SCARA3: variants seen among roughly 807,000 people sequenced by gnomAD.
The protein encoded by SCARA3 is scavenger receptor class A member 3.
SCARA3 carries 39 observed loss-of-function variants against 47.0 expected under a neutral mutation model. The observed-to-expected ratio is 0.83, with a 90% CI of 0.64 to 1.08. SCARA3 has a LOEUF of 1.08. SCARA3 is among the 50% of genes least tolerant of loss of function. The pLI, the probability that SCARA3 is intolerant of heterozygous loss-of-function variation, is 0.00. For missense variants in SCARA3, 724 were observed against 792.3 expected (o/e 0.91, Z 1.04); for synonymous variants, 356 against 334.1 (o/e 1.07, Z -0.71).
intron 1 of SCARA3, among the ~76,000 whole-genome samples, chr8:27,636,576 C>T (rs188185662): frequency 6.6e-6 from 1 of 152,188 alleles, no homozygotes; most frequent in Non-Finnish European, 1.5e-5. Flanking sequence ...GTTCCAGGCT[C>T]TCCTTGTGCT....
chr8:27,711,118 C>G, the SCARA3 span, among the ~76,000 whole-genome samples: 34 of 152,178 alleles, frequency 2.2e-4, no homozygotes, highest in Non-Finnish European at 4.6e-4. Context: ...GATGGGGTTT[C>G]TCCATGTTGG....
intron 1 of SCARA3, among the ~76,000 whole-genome samples, chr8:27,636,920 G>A (rs1309306281): frequency 9.2e-5 from 14 of 152,154 alleles, no homozygotes; most frequent in Non-Finnish European, 1.3e-4. Flanking sequence ...TTTCTCACTC[G>A]AGTGGAAAAA....
In SCARA3 at chr8:27,658,949, G is replaced by C; in HGVS notation, c.779G>C (p.Arg260Pro). The C allele has an allele frequency of 1.9e-6, 3 of 1,614,070 alleles. No individual in the cohort carries two copies. The highest frequency in any genetic ancestry group is 2.5e-6 in the Non-Finnish European group (3 of 1,179,994). The stretch of plus-strand genomic sequence containing the variant: ...GTCACCGACTGGCAGAACTACACAC[G>C]GCTCTTCAGCGGCCTGCGCACCACC... ...KIVTDWQNYT[R>P]LFSGLRTTST... Residue 260 changes from arginine to proline, a missense_variant, in exon 5 of 6, where the codon CGG becomes CCG. By Grantham distance (103) the Arg-to-Pro change is moderately radical. Coordinates refer to ENST00000301904, the MANE Select transcript of SCARA3 (RefSeq NM_016240.3).
the SCARA3 span, among the ~76,000 whole-genome samples, chr8:27,699,841 T>C: frequency 6.6e-6 from 1 of 152,164 alleles, no homozygotes; most frequent in Non-Finnish European, 1.5e-5. Context: ...GACAATGAGA[T>C]AATGGTGTAA....
At chr8:27,666,665 A>G (rs906937468) in intron 5 of SCARA3, among the ~76,000 whole-genome samples, 1 of 152,154 alleles carries the variant, frequency 6.6e-6, no homozygotes, top group African/African-American at 2.4e-5. Flanking sequence ...GTCCCTCCAG[A>G]GGCACCCCTT....
the SCARA3 span, among the ~76,000 whole-genome samples, chr8:27,707,945 G>T: frequency 1.3e-5 from 2 of 152,096 alleles, no homozygotes; most frequent in African/African-American, 4.8e-5. Flanking sequence ...CTAATTGTGA[G>T]AGCAGGAGAA....
chr8:27,705,346 A>C, the SCARA3 span, among the ~76,000 whole-genome samples: 1 of 152,244 alleles, frequency 6.6e-6, no homozygotes, highest in East Asian at 1.9e-4. Flanking sequence ...AAGTGGGGCC[A>C]GCTGGAGAGA....
the SCARA3 span, among the ~76,000 whole-genome samples, chr8:27,729,482 T>A: frequency 6.6e-6 from 1 of 152,096 alleles, no homozygotes; most frequent in African/African-American, 2.4e-5. Flanking sequence ...AAGTCATGCA[T>A]CTAAAGTCAC....
chr8:27,687,041 A>C, the SCARA3 span, among the ~76,000 whole-genome samples: 3 of 151,698 alleles, frequency 2.0e-5, no homozygotes, highest in Non-Finnish European at 4.4e-5. Context: ...AATGGGGCTG[A>C]TCTCAGCAAC....
At chr8:27,707,424 A>C in the SCARA3 span, among the ~76,000 whole-genome samples, 1 of 152,112 alleles carries the variant, frequency 6.6e-6, no homozygotes, top group African/African-American at 2.4e-5. Context: ...AACAAGAACT[A>C]GCTGCTATGA....
intron 1 of SCARA3, among the ~76,000 whole-genome samples, chr8:27,636,481 T>G (rs1036348604): frequency 6.6e-6 from 1 of 152,114 alleles, no homozygotes; most frequent in Non-Finnish European, 1.5e-5. Flanking sequence ...GCCAAAATCC[T>G]GTGAAATAGA....
intron 1 of SCARA3, among the ~76,000 whole-genome samples, chr8:27,635,949 T>C (rs562041609): frequency 6.6e-6 from 1 of 152,348 alleles, no homozygotes; most frequent in South Asian, 2.1e-4. Flanking sequence ...CTTGCCTCTT[T>C]GTGGCTTCCT....
intron 1 of SCARA3, among the ~76,000 whole-genome samples, chr8:27,635,989 G>A (rs1307233919): frequency 6.6e-6 from 1 of 152,162 alleles, no homozygotes; most frequent in Non-Finnish European, 1.5e-5. Context: ...TTCTTTCTGT[G>A]CTTCCCGTTG....
At chr8:27,656,658 C>A in intron 3 of SCARA3, 124 bp from the exon 4 acceptor site, 1 of 675,392 alleles carries the variant, frequency 1.5e-6, no homozygotes, top group Non-Finnish European at 2.6e-6. Flanking sequence ...CATGAAGAAG[C>A]CTGAGAGAAG....
the SCARA3 span, among the ~76,000 whole-genome samples, chr8:27,712,562 C>CAA: frequency 0.27 from 29,155 of 106,652 alleles, 4,738 homozygotes; most frequent in South Asian, 0.45. Context: ...GACTCCGTCT[C>CAA]AAAAAAAAAA....
At chr8:27,669,910 C>G (rs931144738) in intron 5 of SCARA3, among the ~76,000 whole-genome samples, 4 of 152,170 alleles carry the variant, frequency 2.6e-5, no homozygotes. Flanking sequence ...GGGCTCCCAG[C>G]TCCCAGCATG....
chr8:27,689,065 A>C, the SCARA3 span, among the ~76,000 whole-genome samples: 1,515 of 152,270 alleles, frequency 9.9e-3, 17 homozygotes, highest in African/African-American at 0.034. Context: ...TCCATGGGAA[A>C]CATCCTGAAA....
At chr8:27,652,671 G>A (rs34071468) in intron 3 of SCARA3, among the ~76,000 whole-genome samples, 37 of 152,292 alleles carry the variant, frequency 2.4e-4, no homozygotes, top group African/African-American at 7.7e-4. Flanking sequence ...CCAGTAATCC[G>A]AAGGCATTAA....
the SCARA3 span, among the ~76,000 whole-genome samples, chr8:27,727,749 G>T: frequency 2.0e-5 from 3 of 152,204 alleles, no homozygotes; most frequent in Admixed American, 1.3e-4. Flanking sequence ...ATCTAGATTT[G>T]TAATGTTATG....
Sources: gnomAD v4.1 joint callset for allele counts (sites outside exome capture counted in the v4.1 genomes callset) on GRCh38, gnomAD v4.1.1 for gene constraint, MANE v1.5 for transcripts, NCBI Gene and HGNC (gene_info 2026-07-23, HGNC 2026-07-21) for gene names.